Variants in SGCD observed in about 807,000 individuals in gnomAD.
SGCD encodes the protein delta-sarcoglycan.
In SGCD, 18 loss-of-function variants were observed where a neutral mutation model predicts 36.6. The observed-to-expected ratio is 0.49, with a 90% CI of 0.34 to 0.73. SGCD has a LOEUF of 0.73. SGCD is among the 30% of genes least tolerant of loss of function. SGCD has a pLI of 0.01. For missense variants in SGCD, 387 were observed against 346.7 expected, an observed-to-expected ratio of 1.12 and a Z score of -0.92; for synonymous variants, 133 against 130.6, an observed-to-expected ratio of 1.02 and a Z score of -0.12.
chr5:156,477,923 A>G (rs1263452052), intron 3 of SGCD, among the ~76,000 whole-genome samples: 1 of 152,090 alleles, frequency 6.6e-6, no homozygotes, highest in East Asian at 1.9e-4. Flanking sequence ...TTTTTATGAA[A>G]TGCTCATGGA....
At chr5:156,341,075 G>C (rs1246379674) in intron 2 of SGCD, among the ~76,000 whole-genome samples, 1 of 152,166 alleles carries the variant, frequency 6.6e-6, no homozygotes, top group Non-Finnish European at 1.5e-5. Context: ...TAAAGAGGGT[G>C]TGGTGGAGAT....
At chr5:156,406,815 TATATACACAC>T (rs1217166810) in intron 3 of SGCD, among the ~76,000 whole-genome samples, 29 of 110,954 alleles carry the variant, frequency 2.6e-4, no homozygotes, top group South Asian at 9.4e-4. Context: ...TATATATATA[TATATACACAC>T]ACACACACAC....
At chr5:155,759,438 A>G in the SGCD span, among the ~76,000 whole-genome samples, 2 of 152,158 alleles carry the variant, frequency 1.3e-5, no homozygotes, top group African/African-American at 4.8e-5. Flanking sequence ...CATAGATGAT[A>G]TTAATGCAGA....
At chr5:155,965,645 T>C (rs1757886890) in intron 1 of SGCD, among the ~76,000 whole-genome samples, 1 of 152,110 alleles carries the variant, frequency 6.6e-6, no homozygotes, top group African/African-American at 2.4e-5. Flanking sequence ...CCTGGTGCTG[T>C]GCTCCTTGAG....
At chr5:155,730,186 G>C in the SGCD span, among the ~76,000 whole-genome samples, 2 of 152,146 alleles carry the variant, frequency 1.3e-5, no homozygotes, top group Non-Finnish European at 1.5e-5. Flanking sequence ...GTTGAGCTTT[G>C]AAAAAGTTTC....
chr5:156,355,914 T>G (rs79079553), intron 3 of SGCD, among the ~76,000 whole-genome samples: 3,262 of 152,286 alleles, frequency 0.021, 120 homozygotes, highest in African/African-American at 0.073. Flanking sequence ...CTGTGTGTGA[T>G]CACTGGGTCC....
At chr5:156,428,817 TA>T (rs1773788040) in intron 3 of SGCD, among the ~76,000 whole-genome samples, 1 of 152,166 alleles carries the variant, frequency 6.6e-6, no homozygotes, top group South Asian at 2.1e-4. Context: ...GCAGATTATT[TA>T]ATTTCCATAT....
chr5:155,889,724 A>G (rs1311008785), intron 1 of SGCD, among the ~76,000 whole-genome samples: 1 of 152,232 alleles, frequency 6.6e-6, no homozygotes, highest in Admixed American at 6.5e-5. Flanking sequence ...TTGTGGCATC[A>G]AATGCATTGC....
chr5:156,171,833 T>A (rs1202081295), intron 3 of SGCD, among the ~76,000 whole-genome samples: 3 of 152,162 alleles, frequency 2.0e-5, no homozygotes, highest in Admixed American at 1.3e-4. Flanking sequence ...CACATACAGT[T>A]CAATGAGAAG....
rs79020538 is a variant in SGCD, at chr5:156,256,690, A to G, written c.-43-72844A>G. On this transcript the variant is annotated intron_variant, in intron 3 of 9. Coordinates refer to the SGCD transcript ENST00000517913. ...ATTTGTGTAAACATTTAGAAGTGAA[A>G]TTGCTAGATTGTAGGGTAGAAATTT... Among the ~76,000 whole-genome samples, 1,194 of 152,274 alleles carry G rather than the reference A, an allele frequency of 7.8e-3. 8 individuals carry two copies. Among genetic ancestry groups the G allele is most frequent in the African/African-American group, 0.023 (938 of 41,546 alleles).
intron 1 of SGCD, among the ~76,000 whole-genome samples, chr5:156,087,366 C>T (rs574349070): frequency 2.0e-4 from 30 of 152,196 alleles, no homozygotes; most frequent in South Asian, 4.1e-4. Context: ...CAGCTGGGCA[C>T]GGTGGCTCAT....
the SGCD span, among the ~76,000 whole-genome samples, chr5:155,845,108 T>C: frequency 2.0e-5 from 3 of 152,314 alleles, no homozygotes; most frequent in African/African-American, 4.8e-5. Context: ...CTCCTACTTA[T>C]GAGTGAGAAC....
intron 3 of SGCD, among the ~76,000 whole-genome samples, chr5:156,449,677 C>CAA (rs397883573): frequency 0.024 from 1,107 of 46,016 alleles, 63 homozygotes; most frequent in African/African-American, 0.082. Context: ...ACTAAAAATA[C>CAA]AAAAAAAAAA....
chr5:156,210,907 T>C (rs1444090385), intron 3 of SGCD, among the ~76,000 whole-genome samples: 1 of 151,976 alleles, frequency 6.6e-6, no homozygotes, highest in Non-Finnish European at 1.5e-5. Flanking sequence ...AAAGAAATAA[T>C]AGAAAACTTT....
chr5:156,637,249 A>G (rs1489647426), intron 6 of SGCD, among the ~76,000 whole-genome samples: 1 of 152,078 alleles, frequency 6.6e-6, no homozygotes, highest in Non-Finnish European at 1.5e-5. Context: ...AAGTTTCCTG[A>G]GTCCTCCCCC....
intron 3 of SGCD, among the ~76,000 whole-genome samples, chr5:156,132,772 C>G (rs371337122): frequency 6.6e-6 from 1 of 152,036 alleles, no homozygotes; most frequent in East Asian, 1.9e-4. Flanking sequence ...CCGGCCCTTA[C>G]CAAGTCTTAT....
intron 3 of SGCD, among the ~76,000 whole-genome samples, chr5:156,356,604 C>A (rs866088253): frequency 2.0e-5 from 3 of 152,144 alleles, no homozygotes; most frequent in African/African-American, 7.2e-5. Context: ...GGCTCCACTT[C>A]TTCATGGGGG....
intron 1 of SGCD, among the ~76,000 whole-genome samples, chr5:156,047,088 G>A (rs573060806): frequency 3.1e-4 from 47 of 152,228 alleles, no homozygotes; most frequent in Non-Finnish European, 6.3e-4. Flanking sequence ...TTAAGCCAAA[G>A]CTTAACCCAT....
At chr5:155,961,090 C>G (rs1757782277) in intron 1 of SGCD, among the ~76,000 whole-genome samples, 1 of 152,094 alleles carries the variant, frequency 6.6e-6, no homozygotes, top group South Asian at 2.1e-4. Flanking sequence ...GTTTTCCTCA[C>G]TGAAGTTTCT....
Sources: allele counts gnomAD v4.1 joint callset (sites outside exome capture counted in the v4.1 genomes callset), GRCh38; gene constraint gnomAD v4.1.1; transcripts MANE v1.5; gene names NCBI Gene and HGNC (gene_info 2026-07-23, HGNC 2026-07-21).